KLF12: variants seen among roughly 807,000 people sequenced by gnomAD.
KLF12 encodes KLF transcription factor 12.
Under a neutral mutation model 37.8 loss-of-function variants are expected in KLF12, and 9 were observed. The observed-to-expected ratio is 0.24, with a 90% CI of 0.14 to 0.42. The LOEUF is 0.42. KLF12 is among the 10% of genes least tolerant of loss of function. KLF12 has a pLI of 1.00. For missense variants in KLF12, 411 were observed against 516.0 expected, an observed-to-expected ratio of 0.80 and a Z score of 1.97; for synonymous variants, 208 against 202.1, an observed-to-expected ratio of 1.03 and a Z score of -0.25.
At chr13:74,040,375 C>G (rs1340026096) in intron 1 of KLF12, among the ~76,000 whole-genome samples, 2 of 152,152 alleles carry the variant, frequency 1.3e-5, no homozygotes, top group East Asian at 3.9e-4. Flanking sequence ...CGGTACTGTG[C>G]TATGCAGACC....
At chr13:73,932,430 C>G (rs986432486) in intron 3 of KLF12, among the ~76,000 whole-genome samples, 16 of 152,154 alleles carry the variant, frequency 1.1e-4, no homozygotes, top group African/African-American at 3.6e-4. Flanking sequence ...CGAATGCCTT[C>G]AGAGCACAGC....
chr13:73,690,403 G>C lies in KLF12; in HGVS notation c.*5087C>G, dbSNP rs1158782552. On this transcript the variant is annotated 3_prime_UTR_variant, in exon 8 of 8. Transcript: ENST00000377669. ...ATAAAACAAGAATAAACACCTGTAT[G>C]GTTGTTCACACTCTGTTGAGGAGGG... is the stretch of plus-strand genomic sequence containing the variant. 3 of 152,170 alleles carry C rather than the reference G, an allele frequency of 2.0e-5. No individual in the cohort carries two copies. The highest frequency in any genetic ancestry group is 2.9e-5 in the Non-Finnish European group (2 of 68,016). The allele number at this position is 152,170 out of a possible 1,614,324, so 9.4% of individuals were successfully genotyped here.
intron 1 of KLF12, among the ~76,000 whole-genome samples, chr13:74,107,684 G>A (rs1876730127): frequency 1.3e-5 from 2 of 152,116 alleles, no homozygotes. Flanking sequence ...AAAAGGCAGA[G>A]AAATAAACCA....
At chr13:74,212,178 C>T in the KLF12 span, among the ~76,000 whole-genome samples, 1 of 152,156 alleles carries the variant, frequency 6.6e-6, no homozygotes, top group South Asian at 2.1e-4. Context: ...CACCTTTATT[C>T]AGTTTTTAAA....
intron 1 of KLF12, among the ~76,000 whole-genome samples, chr13:74,080,285 G>GTT (rs140594851): frequency 2.2e-4 from 33 of 149,354 alleles, no homozygotes; most frequent in East Asian, 5.9e-4. Flanking sequence ...AAAAAAAGTT[G>GTT]TTTTTTTTTT....
intron 3 of KLF12, among the ~76,000 whole-genome samples, chr13:73,939,178 C>A (rs983729051): frequency 6.6e-6 from 1 of 152,126 alleles, no homozygotes; most frequent in Non-Finnish European, 1.5e-5. Context: ...GCTCCTTCCC[C>A]GCGGCAGATT....
intron 5 of KLF12, among the ~76,000 whole-genome samples, chr13:73,785,227 C>T (rs73531634): frequency 0.021 from 3,139 of 151,898 alleles, 97 homozygotes; most frequent in African/African-American, 0.07. Flanking sequence ...GTGATCCTCC[C>T]GCCTCAGACA....
At chr13:73,759,610 T>C (rs928881091) in intron 6 of KLF12, among the ~76,000 whole-genome samples, 3 of 152,156 alleles carry the variant, frequency 2.0e-5, no homozygotes, top group African/African-American at 4.8e-5. Flanking sequence ...TCTGCACAGG[T>C]GGACAACTGC....
chr13:74,049,845 G>C (rs776111327), intron 1 of KLF12, among the ~76,000 whole-genome samples: 11 of 152,140 alleles, frequency 7.2e-5, no homozygotes, highest in African/African-American at 2.7e-4. Context: ...AGGAAAGTAA[G>C]TTCTGCAATA....
At chr13:74,283,598 G>T in the KLF12 span, among the ~76,000 whole-genome samples, 1 of 152,190 alleles carries the variant, frequency 6.6e-6, no homozygotes, top group Admixed American at 6.5e-5. Flanking sequence ...CCAAGCATTA[G>T]ATTGGAAGTC....
chr13:73,903,350 CA>C (rs1327132035), intron 3 of KLF12, among the ~76,000 whole-genome samples: 1 of 151,814 alleles, frequency 6.6e-6, no homozygotes, highest in Non-Finnish European at 1.5e-5. Flanking sequence ...TGGCATTCCA[CA>C]AACACATAAG....
chr13:73,929,041 G>A (rs1436270323), intron 3 of KLF12, among the ~76,000 whole-genome samples: 3 of 152,254 alleles, frequency 2.0e-5, no homozygotes, highest in Non-Finnish European at 2.9e-5. Context: ...ACACCATTTT[G>A]TGACTAAAAA....
the KLF12 span, among the ~76,000 whole-genome samples, chr13:74,245,301 C>CTATG: frequency 7.4e-4 from 89 of 120,390 alleles, no homozygotes; most frequent in Middle Eastern, 3.9e-3. Context: ...GTTTATCTAT[C>CTATG]TATCTATCTA....
chr13:73,994,327 T>C (rs1417911671), intron 2 of KLF12, among the ~76,000 whole-genome samples: 2 of 152,134 alleles, frequency 1.3e-5, no homozygotes, highest in East Asian at 1.9e-4. Context: ...ACTTACGAAA[T>C]AGAGATGGTT....
intron 4 of KLF12, among the ~76,000 whole-genome samples, chr13:73,816,142 T>C (rs1007542601): frequency 2.0e-5 from 3 of 152,216 alleles, no homozygotes; most frequent in Admixed American, 6.5e-5. Context: ...GTCAGATGAT[T>C]AGCTTATCTG....
At chr13:73,983,946 C>T (rs1389338760) in intron 2 of KLF12, among the ~76,000 whole-genome samples, 1 of 152,210 alleles carries the variant, frequency 6.6e-6, no homozygotes, top group Non-Finnish European at 1.5e-5. Context: ...GCAGATGAGC[C>T]TTCCTCATGT....
At chr13:74,002,883 T>C (rs1193358484) in intron 1 of KLF12, among the ~76,000 whole-genome samples, 1 of 151,956 alleles carries the variant, frequency 6.6e-6, no homozygotes, top group East Asian at 1.9e-4. Context: ...ACAATAATAC[T>C]CCATGGAACC....
chr13:74,155,249 TAC>T, the KLF12 span, among the ~76,000 whole-genome samples: 2 of 152,244 alleles, frequency 1.3e-5, no homozygotes, highest in Non-Finnish European at 2.9e-5. Flanking sequence ...TTTAAAATTT[TAC>T]AGTCACTAAC....
rs144884270 is a variant in KLF12 at position 74,029,566 on chromosome 13, C to T, written c.-31-34513G>A. Among the ~76,000 whole-genome samples, 23 of 152,090 alleles carry T rather than the reference C, an allele frequency of 1.5e-4. 1 individual carries two copies. In the East Asian group the frequency reaches 4.4e-3, roughly 29 times the overall value. On this transcript the variant is annotated intron_variant, in intron 1 of 7. Coordinates refer to ENST00000377669, the MANE Select transcript of KLF12 (RefSeq NM_007249.5). Reference sequence around the variant, plus strand: ...CGGTTCTCTGTAGTGTTTAAGTCACCAGTGATTTCTAAGGTAAGTATTTAG... The same window carrying T: ...CGGTTCTCTGTAGTGTTTAAGTCACTAGTGATTTCTAAGGTAAGTATTTAG...
Sources: allele counts gnomAD v4.1 joint callset (sites outside exome capture counted in the v4.1 genomes callset), GRCh38; gene constraint gnomAD v4.1.1; transcripts MANE v1.5; gene names NCBI Gene and HGNC (gene_info 2026-07-23, HGNC 2026-07-21).